BMPR1B: variants seen among roughly 807,000 people sequenced by gnomAD.
BMPR1B encodes bone morphogenetic protein receptor type 1B, also known as bone morphogenetic protein receptor type-1B.
BMPR1B carries 12 observed loss-of-function variants against 59.1 expected under a neutral mutation model. That is an observed-to-expected ratio of 0.20 (90% CI 0.13 to 0.33). The LOEUF is 0.33. Among genes scored for constraint, BMPR1B ranks in the 10% least tolerant of loss-of-function variants. The pLI is 1.00. For missense variants in BMPR1B, 550 were observed against 610.9 expected, an observed-to-expected ratio of 0.90 and a Z score of 1.05; for synonymous variants, 237 against 207.3, an observed-to-expected ratio of 1.14 and a Z score of -1.23.
intron 1 of BMPR1B, among the ~76,000 whole-genome samples, chr4:94,761,415 CTGTG>C (rs57447983): frequency 0.074 from 10,428 of 141,114 alleles, 461 homozygotes; most frequent in African/African-American, 0.12. Flanking sequence ...CTGTATAATT[CTGTG>C]TGTGTGTGTG....
chr4:94,968,186 T>C (rs1191966179), intron 2 of BMPR1B, among the ~76,000 whole-genome samples: 1 of 152,188 alleles, frequency 6.6e-6, no homozygotes, highest in Non-Finnish European at 1.5e-5. Context: ...CTTTATTTGC[T>C]CAGAGATGAA....
At chr4:95,099,496 A>T (rs1363543866) in intron 3 of BMPR1B, among the ~76,000 whole-genome samples, 1 of 152,192 alleles carries the variant, frequency 6.6e-6, no homozygotes, top group African/African-American at 2.4e-5. Context: ...GTATTCCCTG[A>T]CAGAGATAAT....
intron 1 of BMPR1B, among the ~76,000 whole-genome samples, chr4:94,808,017 T>C (rs977040546): frequency 1.3e-5 from 2 of 150,736 alleles, no homozygotes; most frequent in African/African-American, 5.0e-5. Flanking sequence ...TAATGAAAAC[T>C]TTTTTTTTCC....
chr4:95,095,129 G>A (rs1730273194), intron 3 of BMPR1B, among the ~76,000 whole-genome samples: 1 of 151,814 alleles, frequency 6.6e-6, no homozygotes, highest in Non-Finnish European at 1.5e-5. Context: ...AAATGGTTAG[G>A]TGATGAAAAT....
At chr4:94,837,700 G>A (rs1457925187) in intron 1 of BMPR1B, among the ~76,000 whole-genome samples, 1 of 135,952 alleles carries the variant, frequency 7.4e-6, no homozygotes, top group African/African-American at 2.8e-5. Context: ...CATGTCATCT[G>A]CAAAGAGGGA....
At chr4:94,950,703 A>G (rs905793150) in intron 2 of BMPR1B, among the ~76,000 whole-genome samples, 3 of 152,160 alleles carry the variant, frequency 2.0e-5, no homozygotes, top group South Asian at 2.1e-4. Context: ...GCCCTGTAGT[A>G]TAGTTTGAAG....
In BMPR1B at chr4:94,937,321, G is replaced by A. The variant is rs567160788; in HGVS notation, c.-112-58719G>A. Among the ~76,000 whole-genome samples, 369 of 152,140 alleles carry A rather than the reference G, an allele frequency of 2.4e-3. 1 individual carries two copies. The highest frequency in any genetic ancestry group is 7.8e-3 in the African/African-American group (323 of 41,518). On this transcript the variant is annotated intron_variant, in intron 2 of 12. Transcript: ENST00000515059. ...AGTTAGGCACTTCCTCTGTCTTCCC[G>A]TATTAATGCCTTGAATACATCTCCA...
intron 2 of BMPR1B, among the ~76,000 whole-genome samples, chr4:94,876,678 A>G (rs1251109377): frequency 6.6e-6 from 1 of 151,894 alleles, no homozygotes; most frequent in Non-Finnish European, 1.5e-5. Flanking sequence ...TCTTTACTTC[A>G]GTGCTATACT....
Position 95,131,329 on chromosome 4 carries a change from C to A in BMPR1B, c.893C>A (p.Ala298Asp), listed in dbSNP as rs1190161014. 1.9e-6 allele frequency: 3 copies of A among 1,613,966 alleles called. No homozygotes were observed. Among genetic ancestry groups the A allele is most frequent in the Non-Finnish European group, 2.5e-6 (3 of 1,180,004 alleles). ...YDYLKSTTLD[A>D]KSMLKLAYSS... ...TATCTGAAGTCCACCACCCTAGACG[C>A]TAAATCAATGCTGAAGTTAGCCTAC... The change falls in exon 10 of 13, where the codon GCT becomes GAT. Residue 298 changes from alanine to aspartate, a missense_variant. Around this residue, in one of 6 missense-constraint regions of BMPR1B, gnomAD observed 318 missense variants for 284.6 expected, o/e 1.12. Transcript: ENST00000515059.
chr4:95,137,962 C>G (rs1052654461), intron 10 of BMPR1B, among the ~76,000 whole-genome samples: 4 of 152,152 alleles, frequency 2.6e-5, no homozygotes, highest in South Asian at 2.1e-4. Context: ...ATGTTAGCTG[C>G]ATATTTTGCT....
rs1260652488 is a variant in BMPR1B, at chr4:95,129,898, A to C, written c.622A>C (p.Lys208Gln). Residue 208 changes from lysine (K) to glutamine (Q), a missense_variant, in exon 9 of 13, where the codon AAA (lysine) becomes CAA (glutamine). Physicochemically the swap from Lys to Gln is moderately conservative, Grantham distance 53. Transcript: ENST00000515059. ...TATAGCTAAGCAGATTCAGATGGTGAAACAGATTGGAAAAGGTCGCTATGG... is the reference window on the plus strand; with the variant it reads ...TATAGCTAAGCAGATTCAGATGGTGCAACAGATTGGAAAAGGTCGCTATGG... ...RTIAKQIQMV[K>Q]QIGKGRYGEV... 3 of 1,613,678 alleles carry C rather than the reference A, an allele frequency of 1.9e-6. No homozygotes were observed. The African/African-American group carries it at 4.0e-5, about 22-fold the overall frequency.
In BMPR1B at chr4:94,869,739, T is replaced by G. The variant is rs1371285998; in HGVS notation, c.-182-6092T>G. ...TCTGTAACATTTTAATTTGTTATTT[T>G]TCCTGAGATCATGTAAGCATTTCTT... On this transcript the variant is annotated intron_variant, in intron 1 of 12. Transcript: ENST00000515059. 3.3e-5 allele frequency among the ~76,000 whole-genome samples: 5 copies of G among 152,356 alleles called. No individual in the cohort carries two copies. The East Asian group carries it at 9.6e-4, about 29-fold the overall frequency.
intron 1 of BMPR1B, among the ~76,000 whole-genome samples, chr4:94,864,801 C>T (rs1169166103): frequency 7.9e-5 from 12 of 152,082 alleles, no homozygotes; most frequent in African/African-American, 2.7e-4. Context: ...ATGTTCAGCG[C>T]AGACACAGCC....
intron 2 of BMPR1B, among the ~76,000 whole-genome samples, chr4:94,993,760 C>CAA (rs34395946): frequency 3.6e-3 from 244 of 68,192 alleles, no homozygotes; most frequent in East Asian, 0.013. Flanking sequence ...GACTCCATCT[C>CAA]AAAAAAAAAA....
intron 1 of BMPR1B, among the ~76,000 whole-genome samples, chr4:94,773,052 A>T (rs1722243349): frequency 6.6e-6 from 1 of 152,108 alleles, no homozygotes; most frequent in Non-Finnish European, 1.5e-5. Context: ...TCATCACAGT[A>T]ATGGATGGGA....
intron 3 of BMPR1B, among the ~76,000 whole-genome samples, chr4:95,074,147 T>C (rs1176339736): frequency 6.6e-6 from 1 of 152,086 alleles, no homozygotes; most frequent in Non-Finnish European, 1.5e-5. Context: ...TTACTGAAGA[T>C]ACTTGGAAAT....
intron 1 of BMPR1B, among the ~76,000 whole-genome samples, chr4:94,806,493 T>A (rs375542867): frequency 3.9e-5 from 6 of 152,340 alleles, no homozygotes; most frequent in African/African-American, 1.4e-4. Context: ...GCAATACCTA[T>A]CTCAGATGGT....
At chr4:95,134,091 C>G (rs1733588853) in intron 10 of BMPR1B, among the ~76,000 whole-genome samples, 1 of 152,134 alleles carries the variant, frequency 6.6e-6, no homozygotes. Flanking sequence ...TCTCATTGTT[C>G]AATTCCCACA....
intron 3 of BMPR1B, among the ~76,000 whole-genome samples, chr4:95,030,871 G>A (rs190006251): frequency 1.6e-4 from 24 of 152,214 alleles, no homozygotes; most frequent in Middle Eastern, 6.8e-3. Flanking sequence ...AAATAAAAGA[G>A]GATACAAAGA....
Sources: allele counts gnomAD v4.1 joint callset (sites outside exome capture counted in the v4.1 genomes callset), GRCh38; gene constraint gnomAD v4.1.1; regional missense constraint gnomAD v4.1.1; transcripts MANE v1.5; gene names NCBI Gene and HGNC (gene_info 2026-07-23, HGNC 2026-07-21).